ARHGAP6: variants seen among roughly 807,000 people sequenced by gnomAD.
ARHGAP6 encodes the protein Rho GTPase activating protein 6.
Under a neutral mutation model 55.7 loss-of-function variants are expected in ARHGAP6, and 16 were observed. The ratio of observed to expected loss-of-function variants is 0.29; its 90% CI spans 0.19 to 0.44. The LOEUF (loss-of-function observed/expected upper bound fraction) is 0.44, where lower values mean the gene tolerates loss of function less well. ARHGAP6 is among the 20% of genes least tolerant of loss of function. The pLI is 1.00. For missense variants in ARHGAP6, 698 were observed against 808.9 expected (o/e 0.86, Z 1.66); for synonymous variants, 382 against 360.9 (o/e 1.06, Z -0.66).
intron 2 of ARHGAP6, among the ~76,000 whole-genome samples, chrX:11,226,131 C>T (rs2047044167): frequency 9.3e-6 from 1 of 107,214 alleles, no homozygotes; most frequent in African/African-American, 3.4e-5. Context: ...GTATATCTCC[C>T]AATGCTATCC....
chrX:11,207,175 G>A (rs781197349), intron 2 of ARHGAP6, among the ~76,000 whole-genome samples: 1 of 106,534 alleles, frequency 9.4e-6, no homozygotes, highest in Non-Finnish European at 1.9e-5. Context: ...CACTGTACTC[G>A]TTGTTATTCA....
intron 1 of ARHGAP6, among the ~76,000 whole-genome samples, chrX:11,310,852 C>T (rs1480696978): frequency 8.9e-6 from 1 of 112,040 alleles, no homozygotes; most frequent in Admixed American, 9.5e-5. Context: ...TCCCCAACTC[C>T]TTCATTTCTG....
At chrX:11,324,714 C>T (rs962238175) in intron 1 of ARHGAP6, among the ~76,000 whole-genome samples, 1 of 111,606 alleles carries the variant, frequency 9.0e-6, no homozygotes, top group Non-Finnish European at 1.9e-5. Flanking sequence ...ACTAAAATGG[C>T]GGGTATCATT....
At chrX:11,223,481 CCT>C (rs542827088) in intron 2 of ARHGAP6, among the ~76,000 whole-genome samples, 2 of 110,963 alleles carry the variant, frequency 1.8e-5, no homozygotes, top group South Asian at 7.6e-4. Flanking sequence ...ATGAAGATGA[CCT>C]CTTTTTGCCT....
intron 8 of ARHGAP6, among the ~76,000 whole-genome samples, chrX:11,174,627 C>CTCTTTCT (rs2046165858): frequency 1.0e-3 from 11 of 10,725 alleles, no homozygotes; most frequent in African/African-American, 1.3e-3. Flanking sequence ...TCTTTCTTTT[C>CTCTTTCT]TTTCTTTCTT....
chrX:11,521,595 G>A (rs997017408), intron 1 of ARHGAP6, among the ~76,000 whole-genome samples: 4 of 111,668 alleles, frequency 3.6e-5, no homozygotes, highest in African/African-American at 9.8e-5. Context: ...GTAGCGTGAT[G>A]CCTCCAGCTT....
intron 1 of ARHGAP6, among the ~76,000 whole-genome samples, chrX:11,300,178 C>T (rs2048152439): frequency 8.9e-6 from 1 of 111,747 alleles, no homozygotes; most frequent in Admixed American, 9.5e-5. Context: ...TTATAATGTG[C>T]TCACATCTTG....
chrX:11,440,154 C>A (rs1028799442), intron 1 of ARHGAP6, among the ~76,000 whole-genome samples: 2 of 112,251 alleles, frequency 1.8e-5, no homozygotes, highest in African/African-American at 6.5e-5. Flanking sequence ...CCCTTGACAT[C>A]CTATTATTCT....
At chrX:11,497,925 T>G (rs2050640124) in intron 1 of ARHGAP6, among the ~76,000 whole-genome samples, 1 of 110,724 alleles carries the variant, frequency 9.0e-6, no homozygotes, top group Non-Finnish European at 1.9e-5. Context: ...ATCCCCAAAG[T>G]TGTGCACAAT....
At chrX:11,491,159 A>T (rs1164414301) in intron 1 of ARHGAP6, among the ~76,000 whole-genome samples, 1 of 112,387 alleles carries the variant, frequency 8.9e-6, no homozygotes, top group Non-Finnish European at 1.9e-5. Context: ...GACCCTTGTT[A>T]TTTAACAGTG....
At chrX:11,545,039 A>T (rs914719026) in intron 1 of ARHGAP6, among the ~76,000 whole-genome samples, 1 of 112,031 alleles carries the variant, frequency 8.9e-6, no homozygotes, top group East Asian at 2.8e-4. Context: ...ACAACCTCTC[A>T]GGTTTCACTC....
At chrX:11,276,431 C>G (rs1171081466) in intron 1 of ARHGAP6, among the ~76,000 whole-genome samples, 1 of 111,999 alleles carries the variant, frequency 8.9e-6, no homozygotes, top group Non-Finnish European at 1.9e-5. Flanking sequence ...TCATTTCTGT[C>G]TATTAGCATG....
intron 1 of ARHGAP6, among the ~76,000 whole-genome samples, chrX:11,373,890 G>A: frequency 8.9e-6 from 1 of 112,038 alleles, no homozygotes. Flanking sequence ...AGATTAAGTT[G>A]ATTGGTACTC....
chrX:11,235,017 C>T (rs1207189097), intron 2 of ARHGAP6, among the ~76,000 whole-genome samples: 1 of 112,449 alleles, frequency 8.9e-6, no homozygotes, highest in Non-Finnish European at 1.9e-5. Flanking sequence ...TGGCCCTCTT[C>T]TCACAGCTCC....
chrX:11,568,650 G>C (rs145210137), intron 1 of ARHGAP6, among the ~76,000 whole-genome samples: 2 of 109,399 alleles, frequency 1.8e-5, no homozygotes, highest in Non-Finnish European at 3.8e-5. Flanking sequence ...CCAGCTACTC[G>C]GGAGGCCAAG....
At chrX:11,338,444 T>C (rs957584565) in intron 1 of ARHGAP6, among the ~76,000 whole-genome samples, 5 of 111,804 alleles carry the variant, frequency 4.5e-5, no homozygotes, top group African/African-American at 1.6e-4. Context: ...ACTGCATGCA[T>C]ATACTACCCC....
intron 1 of ARHGAP6, among the ~76,000 whole-genome samples, chrX:11,487,177 A>G (rs778235010): frequency 3.6e-5 from 4 of 112,653 alleles, no homozygotes; most frequent in Non-Finnish European, 7.5e-5. Flanking sequence ...ATGTATGTAC[A>G]TATATGCATA....
chrX:11,196,870 T>C, intron 3 of ARHGAP6, 55 bp downstream of exon 3: 6 of 668,262 alleles, frequency 9.0e-6, no homozygotes, highest in Non-Finnish European at 1.2e-5. Context: ...CCCCACCAAA[T>C]TTAACCATTA....
intron 1 of ARHGAP6, among the ~76,000 whole-genome samples, chrX:11,407,847 T>G (rs932980295): frequency 6.3e-5 from 7 of 111,507 alleles, no homozygotes; most frequent in Non-Finnish European, 1.1e-4. Context: ...TGGGATGATA[T>G]TCAAAGGAAT....
Sources: allele counts gnomAD v4.1 joint callset (sites outside exome capture counted in the v4.1 genomes callset), GRCh38; gene constraint gnomAD v4.1.1; transcripts MANE v1.5; gene names NCBI Gene and HGNC (gene_info 2026-07-23, HGNC 2026-07-21).